The following SND1 variants were observed in gnomAD, a reference collection of about 807,000 sequenced individuals.
The protein encoded by SND1 is staphylococcal nuclease domain-containing protein 1.
A neutral mutation model predicts 121.7 loss-of-function variants in SND1; 38 were observed. That is an observed-to-expected ratio of 0.31 (90% CI 0.24 to 0.41). SND1 has a LOEUF of 0.41. Among genes scored for constraint, SND1 ranks in the 10% least tolerant of loss-of-function variants. The probability of loss-of-function intolerance (pLI) is 1.00; values close to 1 mark genes in which losing one functional copy is unlikely to be tolerated. For missense variants in SND1, 868 were observed against 1,184.6 expected (o/e 0.73, Z 3.92); for synonymous variants, 401 against 447.4 (o/e 0.90, Z 1.31).
intron 14 of SND1, among the ~76,000 whole-genome samples, chr7:127,926,584 G>A (rs9649512): frequency 0.24 from 29,262 of 120,076 alleles, 3,683 homozygotes; most frequent in Middle Eastern, 0.45. Context: ...TCGGAGTCTC[G>A]CTCTATCACC....
intron 2 of SND1, among the ~76,000 whole-genome samples, chr7:127,690,567 C>T (rs1482169337): frequency 6.6e-6 from 1 of 152,246 alleles, no homozygotes; most frequent in African/African-American, 2.4e-5. Context: ...CATGTTTACA[C>T]GTTTATATAT....
intron 10 of SND1, among the ~76,000 whole-genome samples, chr7:127,795,104 T>G (rs1008335774): frequency 6.6e-6 from 1 of 152,248 alleles, no homozygotes; most frequent in South Asian, 2.1e-4. Flanking sequence ...TTTTTAATGT[T>G]GATTCATGTT....
intron 10 of SND1, among the ~76,000 whole-genome samples, chr7:127,796,159 T>C (rs1210534895): frequency 2.0e-5 from 3 of 152,032 alleles, no homozygotes; most frequent in Admixed American, 1.3e-4. Context: ...AATGGACTTA[T>C]CTAGTATAGT....
At chr7:127,746,091 C>A (rs929574108) in intron 10 of SND1, among the ~76,000 whole-genome samples, 1 of 152,162 alleles carries the variant, frequency 6.6e-6, no homozygotes, top group Admixed American at 6.5e-5. Flanking sequence ...ACAGGACACA[C>A]ACAGATGTGA....
At chr7:127,765,552 A>G (rs907236206) in intron 10 of SND1, among the ~76,000 whole-genome samples, 4 of 152,212 alleles carry the variant, frequency 2.6e-5, no homozygotes, top group South Asian at 2.1e-4. Context: ...ATTTTTCTCA[A>G]TCTCTTGTAA....
At chr7:127,702,776 G>A (rs1209535906) in intron 6 of SND1, among the ~76,000 whole-genome samples, 2 of 152,186 alleles carry the variant, frequency 1.3e-5, no homozygotes, top group Non-Finnish European at 2.9e-5. Context: ...TAAACCTAGA[G>A]AAATGGAACA....
At chr7:127,885,444 T>C (rs992821893) in intron 12 of SND1, among the ~76,000 whole-genome samples, 1 of 152,104 alleles carries the variant, frequency 6.6e-6, no homozygotes, top group Non-Finnish European at 1.5e-5. Flanking sequence ...AGAACATGGC[T>C]TAGATGCTGA....
chr7:127,941,131 C>T (rs910070192), intron 15 of SND1, among the ~76,000 whole-genome samples: 7 of 152,198 alleles, frequency 4.6e-5, no homozygotes, highest in Admixed American at 2.6e-4. Flanking sequence ...GCATTCTCTC[C>T]GTCATTTTAT....
intron 15 of SND1, among the ~76,000 whole-genome samples, chr7:127,986,689 G>A (rs544405434): frequency 6.6e-6 from 1 of 152,158 alleles, no homozygotes; most frequent in Admixed American, 6.5e-5. Context: ...ATGAGTTTTT[G>A]CTTATAGGCA....
At chr7:127,997,839 G>A (rs752834511) in intron 16 of SND1, 13 of 534,686 alleles carry the variant, frequency 2.4e-5, no homozygotes, top group South Asian at 9.8e-5. Flanking sequence ...ATCAGTCATC[G>A]CCCTTGCTTG....
intron 15 of SND1, among the ~76,000 whole-genome samples, chr7:127,956,784 G>T (rs980004088): frequency 6.6e-6 from 1 of 152,180 alleles, no homozygotes; most frequent in Non-Finnish European, 1.5e-5. Context: ...ATAATTTTTT[G>T]CTACCTTCTT....
intron 2 of SND1, 22 bp downstream of exon 2, chr7:127,686,784 C>T (rs767900465): frequency 7.5e-6 from 12 of 1,604,412 alleles, no homozygotes; most frequent in Middle Eastern, 1.7e-4. Flanking sequence ...CTGAGGCCAT[C>T]GTGAGCCTGT....
chr7:127,667,066 T>A (rs1295463584), intron 1 of SND1, among the ~76,000 whole-genome samples: 1 of 152,104 alleles, frequency 6.6e-6, no homozygotes, highest in Non-Finnish European at 1.5e-5. Context: ...ATAGGAAAAA[T>A]TTCCTATTTG....
intron 14 of SND1, among the ~76,000 whole-genome samples, chr7:127,926,236 C>A (rs1381593871): frequency 3.9e-5 from 6 of 152,050 alleles, no homozygotes; most frequent in Non-Finnish European, 8.8e-5. Context: ...CAAAAAAATG[C>A]TTGAGATGAC....
At chr7:127,656,202 G>A (rs1313774655) in intron 1 of SND1, among the ~76,000 whole-genome samples, 1 of 152,178 alleles carries the variant, frequency 6.6e-6, no homozygotes, top group African/African-American at 2.4e-5. Context: ...TAGACTTCTT[G>A]CTGGGTAGCT....
chr7:128,066,175 C>T (rs984548800), intron 16 of SND1, among the ~76,000 whole-genome samples: 1 of 152,192 alleles, frequency 6.6e-6, no homozygotes, highest in African/African-American at 2.4e-5. Context: ...GAAGCTGCCC[C>T]CCTACCCCTA....
At chr7:127,781,366 T>A (rs913226058) in intron 10 of SND1, among the ~76,000 whole-genome samples, 8 of 152,190 alleles carry the variant, frequency 5.3e-5, no homozygotes, top group Non-Finnish European at 1.2e-4. Flanking sequence ...TATGTGGCAA[T>A]CATCGTTCCT....
At chr7:127,903,000 G>A (rs1217122250) in intron 13 of SND1, among the ~76,000 whole-genome samples, 1 of 152,078 alleles carries the variant, frequency 6.6e-6, no homozygotes, top group Non-Finnish European at 1.5e-5. Context: ...TCCTGCCTCA[G>A]CCTCCCGAGT....
chr7:127,653,456 T>C (rs1399501754), intron 1 of SND1, among the ~76,000 whole-genome samples: 1 of 152,170 alleles, frequency 6.6e-6, no homozygotes, highest in Non-Finnish European at 1.5e-5. Flanking sequence ...ACAGCAAATA[T>C]CTTTTGTGAT....
Sources: allele counts gnomAD v4.1 joint callset (sites outside exome capture counted in the v4.1 genomes callset), GRCh38; gene constraint gnomAD v4.1.1; transcripts MANE v1.5; gene names NCBI Gene and HGNC (gene_info 2026-07-23, HGNC 2026-07-21).